The following SLC25A12 variants were observed in gnomAD, a reference collection of about 807,000 sequenced individuals.
SLC25A12 encodes the protein electrogenic aspartate/glutamate antiporter SLC25A12, mitochondrial.
In SLC25A12, 32 loss-of-function variants were observed where a neutral mutation model predicts 83.3. The observed-to-expected ratio is 0.38, with a 90% CI of 0.29 to 0.52. The LOEUF (loss-of-function observed/expected upper bound fraction) is 0.52. Ranked by LOEUF, SLC25A12 falls within the 20% of genes least tolerant of loss-of-function variation. SLC25A12 has a pLI of 0.84. For missense variants in SLC25A12, 611 were observed against 835.6 expected (o/e 0.73, Z 3.31); for synonymous variants, 267 against 291.1 (o/e 0.92, Z 0.84).
intron 2 of SLC25A12, among the ~76,000 whole-genome samples, chr2:171,874,027 G>T (rs1685510667): frequency 1.3e-5 from 2 of 152,134 alleles, no homozygotes; most frequent in Admixed American, 1.3e-4. Context: ...GGGAGTTCGA[G>T]ACCAGCCTGA....
Position 171,783,532 on chromosome 2 carries a change from A to G in SLC25A12, c.*1742T>C, listed in dbSNP as rs900163735. Reference sequence around the variant, plus strand: ...GTTTCTAAAATATAAATATGTACATATATTTCTATAGAGTTATGAAAAACA... The same window carrying G: ...GTTTCTAAAATATAAATATGTACATGTATTTCTATAGAGTTATGAAAAACA... On this transcript the variant is annotated 3_prime_UTR_variant, in exon 18 of 18. Coordinates refer to ENST00000422440, the MANE Select transcript of SLC25A12 (RefSeq NM_003705.5). Among the ~76,000 whole-genome samples the G allele has an allele frequency of 6.6e-6, 1 of 152,222 alleles. No individual in the cohort carries two copies. The highest frequency in any genetic ancestry group is 1.5e-5 in the Non-Finnish European group (1 of 68,046).
chr2:171,812,097 C>T (rs970328800), intron 11 of SLC25A12, among the ~76,000 whole-genome samples: 1 of 152,152 alleles, frequency 6.6e-6, no homozygotes, highest in African/African-American at 2.4e-5. Flanking sequence ...AAAGAGACTA[C>T]AGTTCTGAAT....
At chr2:171,868,645 A>G in intron 3 of SLC25A12, 36 bp downstream of exon 3, 1 of 1,603,816 alleles carries the variant, frequency 6.2e-7, no homozygotes, top group Non-Finnish European at 8.5e-7. Context: ...TATATTCCAG[A>G]ACATTAGTTT....
chr2:171,878,928 C>CG (rs1157492802), intron 2 of SLC25A12, among the ~76,000 whole-genome samples: 1 of 152,188 alleles, frequency 6.6e-6, no homozygotes, highest in East Asian at 1.9e-4. Flanking sequence ...CCTTTCACTA[C>CG]ACAAGCACTC....
At chr2:171,802,167 A>T (rs1303619135) in intron 13 of SLC25A12, among the ~76,000 whole-genome samples, 2 of 152,138 alleles carry the variant, frequency 1.3e-5, no homozygotes, top group African/African-American at 4.8e-5. Flanking sequence ...AAGCAATTTT[A>T]AAAAATTATT....
chr2:171,874,286 G>A (rs1685518800), intron 2 of SLC25A12, among the ~76,000 whole-genome samples: 1 of 152,108 alleles, frequency 6.6e-6, no homozygotes, highest in South Asian at 2.1e-4. Context: ...CAGCTACTCG[G>A]GATGCTGAGA....
intron 2 of SLC25A12, among the ~76,000 whole-genome samples, chr2:171,877,633 C>T (rs1394253627): frequency 4.0e-5 from 6 of 148,572 alleles, no homozygotes; most frequent in Admixed American, 6.8e-5. Context: ...CCACTCACTG[C>T]ACTCCAGCCT....
In SLC25A12 at chr2:171,854,837, T is replaced by C. The variant is rs535865264; in HGVS notation, c.325+997A>G. On this transcript the variant is annotated intron_variant, in intron 4 of 17. Coordinates refer to ENST00000422440, the MANE Select transcript of SLC25A12 (RefSeq NM_003705.5). ...TAACTCAAACACAATAGTGAATAAG[T>C]GTTTAATGCCATAGCTCAGGGAAAG... 5.9e-5 allele frequency among the ~76,000 whole-genome samples: 9 copies of C among 152,294 alleles called. No homozygotes were observed. In the East Asian group the frequency reaches 1.7e-3, roughly 29 times the overall value.
At chr2:171,793,519 C>T (rs1683532474) in intron 14 of SLC25A12, 108 bp downstream of exon 14, 2 of 1,167,786 alleles carry the variant, frequency 1.7e-6, no homozygotes, top group Non-Finnish European at 2.6e-6. Context: ...TTTTCTGCTC[C>T]ACAGACTACC....
rs1690470098 is a variant in SLC25A12, at chr2:171,785,438, T to C, written c.1873A>G (p.Ile625Val). 6 of 1,614,112 alleles carry C rather than the reference T, an allele frequency of 3.7e-6. No individual in the cohort carries two copies. The highest frequency in any genetic ancestry group is 1.7e-5 in the Admixed American group (1 of 60,014). The stretch of plus-strand genomic sequence containing the variant: ...GGGTTGGCAGGAGGAAGGTCTGCAA[T>C]GCGTGACTTAGGTGTTGGTTCTGAA... The part of the protein sequence containing the change: ...AGSEPTPKSR[I>V]ADLPPANPDH... The change falls in exon 18 of 18, where the codon ATT (isoleucine) becomes GTT (valine). Residue 625 changes from isoleucine to valine, a missense_variant. Ile to Val is a conservative substitution (Grantham distance 29). Coordinates refer to ENST00000422440, the MANE Select transcript of SLC25A12 (RefSeq NM_003705.5).
At chr2:171,868,584 G>T in intron 3 of SLC25A12, 97 bp downstream of exon 3, 6 of 1,244,006 alleles carry the variant, frequency 4.8e-6, no homozygotes, top group Non-Finnish European at 7.0e-6. Flanking sequence ...AAAGCGCTGG[G>T]ATTACAGGCA....
chr2:171,787,698 C>T, intron 16 of SLC25A12, 37 bp from the exon 17 acceptor site: 1 of 1,609,894 alleles, frequency 6.2e-7, no homozygotes, highest in Non-Finnish European at 8.5e-7. Flanking sequence ...AGACTTGAAA[C>T]CAGGACAAAT....
intron 8 of SLC25A12, among the ~76,000 whole-genome samples, chr2:171,832,983 GCACCA>G (rs749338321): frequency 2.7e-4 from 41 of 152,244 alleles, no homozygotes; most frequent in Admixed American, 5.2e-4. Flanking sequence ...CTGGTCAAGG[GCACCA>G]AGCTGGGCTT....
At chr2:171,787,264 A>G (rs895870944) in intron 17 of SLC25A12, among the ~76,000 whole-genome samples, 3 of 152,046 alleles carry the variant, frequency 2.0e-5, no homozygotes, top group Non-Finnish European at 4.4e-5. Context: ...GGTTGAGGCT[A>G]CGGTGAGCCA....
At position 171,809,662 on chromosome 2, in the gene SLC25A12, A is replaced by G. The variant is rs1683910130; in HGVS notation, c.1249T>C (p.Phe417Leu). ...LTVNDFVRDK[F>L]TRRDGSVPLP... is the part of the protein sequence containing the mutation. Reference sequence around the variant, plus strand: ...GGAACAGAGCCATCTCTTCTGGTAAATTTGTCCCGAACAAAATCATTAACC... The same window carrying G: ...GGAACAGAGCCATCTCTTCTGGTAAGTTTGTCCCGAACAAAATCATTAACC... Residue 417 changes from phenylalanine to leucine, a missense_variant, in exon 13 of 18, where the codon TTT (phenylalanine) becomes CTT (leucine). Transcript: ENST00000422440. 1 of 1,613,926 alleles carries G rather than the reference A, an allele frequency of 6.2e-7. No individual in the cohort carries two copies. Among genetic ancestry groups the G allele is most frequent in the Non-Finnish European group, 8.5e-7 (1 of 1,179,922 alleles).
In SLC25A12 at chr2:171,784,779, A is replaced by C. The variant is rs1323843886; in HGVS notation, c.*495T>G. On this transcript the variant is annotated 3_prime_UTR_variant, in exon 18 of 18. Coordinates refer to ENST00000422440, the MANE Select transcript of SLC25A12 (RefSeq NM_003705.5). The stretch of plus-strand genomic sequence containing the variant: ...ATGGAAAACAAACTAGGAATTAAAT[A>C]CATCCAATATTGATGCTTTATTTCC... 5.8e-6 allele frequency: 1 copy of C among 171,038 alleles called. No homozygotes were observed. The highest frequency in any genetic ancestry group is 1.3e-5 in the Non-Finnish European group (1 of 78,220). 10.6% of individuals were successfully genotyped at this position (171,038 alleles called of 1,614,324 possible). A position where few individuals can be genotyped will look rare whatever the true frequency, so the allele number is the denominator to read the frequency against.
Position 171,888,425 on chromosome 2 carries a change from T to A in SLC25A12, c.66+4780A>T, listed in dbSNP as rs181300838. 1.6e-3 allele frequency among the ~76,000 whole-genome samples: 248 copies of A among 151,246 alleles called. 2 individuals carry two copies. The highest frequency in any genetic ancestry group is 6.2e-3 in the East Asian group (32 of 5,158). On this transcript the variant is annotated intron_variant, in intron 2 of 17. Transcript: ENST00000422440. ...ATATACCAGTACTTTCAAATAAAAATATATATATATTTTTTTAATTATTAT... is the reference window on the plus strand; with the variant it reads ...ATATACCAGTACTTTCAAATAAAAAAATATATATATTTTTTTAATTATTAT...
intron 2 of SLC25A12, among the ~76,000 whole-genome samples, chr2:171,870,288 T>G (rs1685431760): frequency 6.6e-6 from 1 of 152,176 alleles, no homozygotes; most frequent in Non-Finnish European, 1.5e-5. Flanking sequence ...AAACAGTATT[T>G]ATAGTCATAA....
chr2:171,786,384 A>T (rs1690490950), intron 17 of SLC25A12, among the ~76,000 whole-genome samples: 1 of 16,820 alleles, frequency 5.9e-5, no homozygotes, highest in South Asian at 4.9e-3. Flanking sequence ...ACTCCGTCTA[A>T]AAAAAAAAAA....
Sources: allele counts gnomAD v4.1 joint callset (sites outside exome capture counted in the v4.1 genomes callset), GRCh38; gene constraint gnomAD v4.1.1; transcripts MANE v1.5; gene names NCBI Gene and HGNC (gene_info 2026-07-23, HGNC 2026-07-21).